The following TRAPPC9 variants were observed in gnomAD, a reference collection of about 807,000 sequenced individuals.
The protein encoded by TRAPPC9 is IKK2 binding protein.
TRAPPC9 carries 83 observed loss-of-function variants against 124.0 expected under a neutral mutation model. That is an observed-to-expected ratio of 0.67 (90% confidence interval 0.56 to 0.80). TRAPPC9 has a LOEUF of 0.80. Among genes scored for constraint, TRAPPC9 ranks in the 30% least tolerant of loss-of-function variants. The pLI is 0.00. For synonymous variants in TRAPPC9, 638 were observed against 617.5 expected, an observed-to-expected ratio of 1.03 and a Z score of -0.49; for missense variants, 1,302 against 1,508.3, an observed-to-expected ratio of 0.86 and a Z score of 2.27.
chr8:140,180,016 G>T (rs1267669203), intron 17 of TRAPPC9, among the ~76,000 whole-genome samples: 1 of 13,880 alleles, frequency 7.2e-5, no homozygotes, highest in South Asian at 6.7e-3. Context: ...TTTTTTTTTG[G>T]CCAGTATGAT....
At chr8:139,938,201 T>A (rs1833660149) in intron 19 of TRAPPC9, among the ~76,000 whole-genome samples, 1 of 152,206 alleles carries the variant, frequency 6.6e-6, no homozygotes, top group African/African-American at 2.4e-5. Flanking sequence ...CTGACAAAGC[T>A]GCCCCACCTG....
intron 8 of TRAPPC9, 28 bp from the exon 9 acceptor site, chr8:140,360,221 A>G: frequency 3.7e-6 from 6 of 1,614,024 alleles, no homozygotes; most frequent in Non-Finnish European, 5.1e-6. Context: ...AAACATCACA[A>G]AAGTGCTTGG....
At chr8:140,057,558 C>T (rs904599603) in intron 17 of TRAPPC9, among the ~76,000 whole-genome samples, 3 of 152,182 alleles carry the variant, frequency 2.0e-5, no homozygotes, top group African/African-American at 7.2e-5. Context: ...GGCTTGAGGA[C>T]ATTATGCTAA....
intron 15 of TRAPPC9, among the ~76,000 whole-genome samples, chr8:140,267,350 T>A (rs988689763): frequency 6.6e-6 from 1 of 152,338 alleles, no homozygotes; most frequent in Admixed American, 6.5e-5. Flanking sequence ...ACAACTGCTA[T>A]CTGTAAAGCA....
At chr8:140,002,661 A>G (rs756285501) in intron 18 of TRAPPC9, among the ~76,000 whole-genome samples, 8 of 152,104 alleles carry the variant, frequency 5.3e-5, no homozygotes, top group Non-Finnish European at 7.4e-5. Flanking sequence ...TACAAGGTAC[A>G]CTAATCAGGA....
intron 17 of TRAPPC9, among the ~76,000 whole-genome samples, chr8:140,202,897 A>T (rs1020060366): frequency 6.6e-6 from 1 of 152,366 alleles, no homozygotes; most frequent in East Asian, 1.9e-4. Flanking sequence ...CTTTAAGGGA[A>T]ATCAGGGGAT....
intron 18 of TRAPPC9, among the ~76,000 whole-genome samples, chr8:140,016,585 C>T (rs370569284): frequency 8.5e-5 from 13 of 152,172 alleles, no homozygotes; most frequent in Non-Finnish European, 1.3e-4. Context: ...TGACCAGCAT[C>T]GTAACTTTGT....
chr8:140,395,129 G>A (rs899608410), intron 7 of TRAPPC9, among the ~76,000 whole-genome samples: 1 of 152,230 alleles, frequency 6.6e-6, no homozygotes, highest in African/African-American at 2.4e-5. Context: ...TAAACTGCAA[G>A]ATACGGACCT....
At chr8:140,220,322 G>A (rs901215280) in intron 17 of TRAPPC9, among the ~76,000 whole-genome samples, 4 of 152,152 alleles carry the variant, frequency 2.6e-5, no homozygotes, top group Admixed American at 6.5e-5. Flanking sequence ...TGGTAGCTCC[G>A]TGCATGTGCC....
In TRAPPC9 at chr8:140,418,771, T is replaced by TAGATAGATAGATAGAC. The variant is rs779953213; in HGVS notation, c.886+7843_886+7844insGTCTATCTATCTATCT. Among the ~76,000 whole-genome samples, 111 of 131,266 alleles carry TAGATAGATAGATAGAC rather than the reference T, an allele frequency of 8.5e-4. 3 individuals are homozygous for TAGATAGATAGATAGAC. Among genetic ancestry groups the TAGATAGATAGATAGAC allele is most frequent in the East Asian group, 5.4e-3 (19 of 3,526 alleles). The allele number at this position is 131,266 out of a possible 152,430, so 86.1% of individuals were successfully genotyped here. ...ATAGATAGATAGATAGATAGATAGA[T>TAGATAGATAGATAGAC]AGACAGACAGACAGACAGATGCAAA... On this transcript the variant is annotated intron_variant, in intron 5 of 22. Transcript: ENST00000438773.
chr8:140,276,816 G>A (rs2065138236), intron 14 of TRAPPC9, among the ~76,000 whole-genome samples: 3 of 146,580 alleles, frequency 2.0e-5, no homozygotes, highest in African/African-American at 5.5e-5. Flanking sequence ...AGAGCGGGGA[G>A]GCCAACATGT....
chr8:140,397,028 C>A (rs1222059471), intron 7 of TRAPPC9, among the ~76,000 whole-genome samples: 6 of 152,146 alleles, frequency 3.9e-5, no homozygotes. Flanking sequence ...TGTCCTTAAG[C>A]AAATTGTTTA....
intron 17 of TRAPPC9, among the ~76,000 whole-genome samples, chr8:140,090,681 C>CCCA (rs1844509559): frequency 6.6e-6 from 1 of 152,228 alleles, no homozygotes; most frequent in African/African-American, 2.4e-5. Flanking sequence ...ACCAAGTGTA[C>CCCA]CCATCCCTGC....
At chr8:140,371,220 C>A in intron 7 of TRAPPC9, 40 bp from the exon 8 acceptor site, 1 of 1,540,734 alleles carries the variant, frequency 6.5e-7, no homozygotes, top group Non-Finnish European at 8.8e-7. Context: ...TTGAAAGAAA[C>A]GTATAAGTGA....
intron 17 of TRAPPC9, among the ~76,000 whole-genome samples, chr8:140,115,522 C>A (rs2060864207): frequency 6.6e-6 from 1 of 152,172 alleles, no homozygotes; most frequent in Admixed American, 6.5e-5. Flanking sequence ...CAGCCTTGGC[C>A]TCCCAAAGTG....
chr8:140,048,333 A>G (rs1484607680), intron 17 of TRAPPC9, among the ~76,000 whole-genome samples: 2 of 152,232 alleles, frequency 1.3e-5, no homozygotes, highest in African/African-American at 2.4e-5. Flanking sequence ...GGTAACACTC[A>G]GATGGCATAA....
At position 139,907,767 on chromosome 8, in the gene TRAPPC9, G is replaced by A. The variant is rs1031039895; in HGVS notation, c.2964+2380C>T. 4.6e-5 allele frequency among the ~76,000 whole-genome samples: 7 copies of A among 152,282 alleles called. No homozygotes were observed. The highest frequency in any genetic ancestry group is 3.9e-4 in the East Asian group (2 of 5,180). On this transcript the variant is annotated intron_variant, in intron 20 of 22. Transcript: ENST00000438773. This position sits in a 1 kb window ranked among gnomAD's most constrained non-coding sequence, Gnocchi z 4.7. Reference sequence around the variant, plus strand: ...TATACAGAAAATAGAGAAGTCAAACGCAAAGACATTTTCTGTACTTTTTTG... The same window carrying A: ...TATACAGAAAATAGAGAAGTCAAACACAAAGACATTTTCTGTACTTTTTTG...
At chr8:139,929,023 C>T (rs988614276) in intron 19 of TRAPPC9, among the ~76,000 whole-genome samples, 1 of 152,108 alleles carries the variant, frequency 6.6e-6, no homozygotes, top group African/African-American at 2.4e-5. Context: ...CAAGCTGGTG[C>T]TGTGCACGCC....
intron 16 of TRAPPC9, among the ~76,000 whole-genome samples, chr8:140,225,168 C>T (rs748337458): frequency 4.6e-5 from 7 of 152,212 alleles, no homozygotes; most frequent in Non-Finnish European, 1.0e-4. Context: ...GCATGTCTTA[C>T]ATTCCTTCAT....
Sources: allele counts gnomAD v4.1 joint callset (sites outside exome capture counted in the v4.1 genomes callset), GRCh38; gene constraint gnomAD v4.1.1; non-coding constraint Gnocchi (gnomAD v3.1); transcripts MANE v1.5; gene names NCBI Gene and HGNC (gene_info 2026-07-23, HGNC 2026-07-21).